The following THADA variants were observed in gnomAD, a reference collection of about 807,000 sequenced individuals.
The protein encoded by THADA is tRNA (32-2'-O)-methyltransferase regulator THADA.
A neutral mutation model predicts 219.8 loss-of-function variants in THADA; 213 were observed. The observed-to-expected ratio is 0.97, with a 90% CI of 0.87 to 1.09. THADA has a LOEUF of 1.09. THADA is among the 50% of genes least tolerant of loss of function. THADA has a pLI of 0.00. For missense variants in THADA, 2,956 were observed against 2,311.3 expected (o/e 1.28, Z -5.72); for synonymous variants, 1,018 against 828.9 (o/e 1.23, Z -3.92).
At position 43,410,018 on chromosome 2, in the gene THADA, TA is replaced by T. The variant is rs200952206; in HGVS notation, c.4059-11880del. ...GGTGTCAGATCAAGATCTCATCTCT[TA>T]AAAAAAAAAAAAAAATAAGAGAGAG... is the stretch of plus-strand genomic sequence containing the variant. On this transcript the variant is annotated intron_variant, in intron 28 of 37. Transcript: ENST00000405975. 1.0e-2 allele frequency among the ~76,000 whole-genome samples: 1,314 copies of T among 131,862 alleles called. 5 individuals are homozygous for T. Among genetic ancestry groups the T allele is most frequent in the Middle Eastern group, 0.015 (4 of 260 alleles). The allele number at this position is 131,862 out of a possible 152,430, so 86.5% of individuals were successfully genotyped here.
Position 43,292,240 on chromosome 2 carries a change from G to T in THADA, c.4819-18C>A, listed in dbSNP as rs184716483. 3 of 1,484,366 alleles carry T rather than the reference G, an allele frequency of 2.0e-6. No individual in the cohort carries two copies. The highest frequency in any genetic ancestry group is 2.7e-6 in the Non-Finnish European group (3 of 1,090,920). The allele number at this position is 1,484,366 out of a possible 1,614,324, so 91.9% of individuals were successfully genotyped here. ...TTCAGTATCTGTGTAAGCCAAATCC[G>T]CACACAAAAAAGAGAAATAAATACT... On this transcript the variant is annotated intron_variant, in intron 32 of 37. Transcript: ENST00000405975.
chr2:43,533,294 G>C (rs1574117276), intron 21 of THADA, among the ~76,000 whole-genome samples: 1 of 152,316 alleles, frequency 6.6e-6, no homozygotes, highest in Middle Eastern at 3.4e-3. Flanking sequence ...GTTGGTGGGA[G>C]TGTAAATTAG....
chr2:43,402,202 A>C (rs1674935380), intron 28 of THADA, among the ~76,000 whole-genome samples: 1 of 152,158 alleles, frequency 6.6e-6, no homozygotes, highest in African/African-American at 2.4e-5. Context: ...GTGACACAGC[A>C]GTGAAGAACA....
intron 11 of THADA, among the ~76,000 whole-genome samples, chr2:43,573,872 T>C (rs1396127996): frequency 1.3e-5 from 2 of 152,178 alleles, no homozygotes; most frequent in Non-Finnish European, 2.9e-5. Context: ...TAAATAACTA[T>C]AGATGGCTAT....
At chr2:43,511,243 G>A (rs1690402490) in intron 22 of THADA, among the ~76,000 whole-genome samples, 1 of 152,166 alleles carries the variant, frequency 6.6e-6, no homozygotes, top group Admixed American at 6.5e-5. Context: ...TGCAGGACAT[G>A]AGAGGTACTT....
chr2:43,374,735 T>G (rs1007035888), intron 29 of THADA, among the ~76,000 whole-genome samples: 1 of 152,142 alleles, frequency 6.6e-6, no homozygotes, highest in African/African-American at 2.4e-5. Context: ...GTTAATAAGT[T>G]AACATATTAG....
At chr2:43,585,577 T>TGGAA (rs1700937359) in intron 7 of THADA, among the ~76,000 whole-genome samples, 1 of 135,212 alleles carries the variant, frequency 7.4e-6, no homozygotes, top group Non-Finnish European at 1.6e-5. Context: ...GATAGATAGA[T>TGGAA]AGAAAGAAAT....
At chr2:43,590,003 G>A (rs1471211235) in intron 4 of THADA, among the ~76,000 whole-genome samples, 2 of 152,006 alleles carry the variant, frequency 1.3e-5, no homozygotes, top group African/African-American at 4.8e-5. Context: ...CTCGTTTACA[G>A]ATATATATAA....
chr2:43,253,201 T>C (rs1572783952), intron 36 of THADA, among the ~76,000 whole-genome samples: 2 of 151,690 alleles, frequency 1.3e-5, no homozygotes, highest in Non-Finnish European at 2.9e-5. Context: ...CCACTGGAGG[T>C]AGAGAAGGAG....
intron 21 of THADA, among the ~76,000 whole-genome samples, chr2:43,535,405 G>A (rs550411266): frequency 1.3e-5 from 2 of 150,892 alleles, no homozygotes; most frequent in African/African-American, 4.9e-5. Flanking sequence ...CCCAGGCCAG[G>A]CGGTGGCTCA....
At chr2:43,463,658 T>C (rs956922624) in intron 26 of THADA, among the ~76,000 whole-genome samples, 1 of 152,186 alleles carries the variant, frequency 6.6e-6, no homozygotes, top group Non-Finnish European at 1.5e-5. Flanking sequence ...GTTGTTATAA[T>C]TCTTTAGAAA....
intron 36 of THADA, among the ~76,000 whole-genome samples, chr2:43,245,414 C>A (rs941060966): frequency 6.6e-6 from 1 of 152,106 alleles, no homozygotes. Context: ...CTCAGGTGAT[C>A]CACCCGCCTT....
intron 29 of THADA, among the ~76,000 whole-genome samples, chr2:43,379,550 A>C (rs1383271933): frequency 6.6e-6 from 1 of 152,224 alleles, no homozygotes; most frequent in Non-Finnish European, 1.5e-5. Flanking sequence ...GGTGACTCCA[A>C]GTGCTGACAA....
chr2:43,370,725 T>C (rs899052085), intron 29 of THADA, among the ~76,000 whole-genome samples: 1 of 152,188 alleles, frequency 6.6e-6, no homozygotes, highest in Non-Finnish European at 1.5e-5. Flanking sequence ...ATATTACATT[T>C]TTCTAAAGGA....
intron 30 of THADA, 78 bp from the exon 31 acceptor site, chr2:43,320,618 A>C: frequency 2.9e-6 from 3 of 1,025,750 alleles, no homozygotes; most frequent in Non-Finnish European, 4.4e-6. Context: ...GAACATGGGT[A>C]TTTTCTATGG....
intron 31 of THADA, among the ~76,000 whole-genome samples, chr2:43,299,240 TA>T (rs983563442): frequency 6.6e-6 from 1 of 151,076 alleles, no homozygotes; most frequent in Non-Finnish European, 1.5e-5. Context: ...GCATTTTGGA[TA>T]AAGGAAGCTT....
At chr2:43,295,429 A>G (rs143798708) in intron 31 of THADA, among the ~76,000 whole-genome samples, 1 of 152,332 alleles carries the variant, frequency 6.6e-6, no homozygotes, top group Non-Finnish European at 1.5e-5. Context: ...GAATCCTCTT[A>G]ATTGTATCAT....
rs750266449 is a variant in THADA, at chr2:43,578,538, T to G, written c.791A>C (p.His264Pro). Residue 264 changes from histidine (H) to proline (P), a missense_variant, in exon 9 of 38, where the codon CAC (histidine) becomes CCC (proline). Physicochemically the swap from His to Pro is moderately conservative, Grantham distance 77. Transcript: ENST00000405975. ...CAAATGAGGAATCTTTTCAGACGGG[T>G]GAAACATAGTCTTAATAAAAAGAAT... ...AIILFIKTMF[H>P]PSEKIPHLIS... The G allele has an allele frequency of 6.2e-7, 1 of 1,612,068 alleles. No individual in the cohort carries two copies. Among genetic ancestry groups the G allele is most frequent in the East Asian group, 2.2e-5 (1 of 44,830 alleles).
intron 28 of THADA, among the ~76,000 whole-genome samples, chr2:43,407,555 A>C (rs1465986113): frequency 6.6e-6 from 1 of 152,186 alleles, no homozygotes; most frequent in Non-Finnish European, 1.5e-5. Flanking sequence ...TATCTCTGAA[A>C]TGATATTAAA....
Sources: allele counts gnomAD v4.1 joint callset (sites outside exome capture counted in the v4.1 genomes callset), GRCh38; gene constraint gnomAD v4.1.1; transcripts MANE v1.5; gene names NCBI Gene and HGNC (gene_info 2026-07-23, HGNC 2026-07-21).